Variants in CXCL13 observed in about 807,000 individuals in gnomAD.
CXCL13 encodes the protein C-X-C motif chemokine ligand 13, also known as C-X-C motif chemokine 13.
CXCL13 carries 7 observed loss-of-function variants against 12.2 expected under a neutral mutation model. That is an observed-to-expected ratio of 0.57 (90% CI 0.33 to 1.07). The LOEUF is 1.07. Among genes scored for constraint, CXCL13 ranks in the 50% least tolerant of loss-of-function variants. The pLI, the probability that CXCL13 is intolerant of heterozygous loss-of-function variation, is 0.04. For missense variants in CXCL13, 113 were observed against 127.4 expected (o/e 0.89, Z 0.55); for synonymous variants, 47 against 42.4 (o/e 1.11, Z -0.42).
chr4:77,533,244 C>T (rs2109796105), intron 1 of CXCL13, among the ~76,000 whole-genome samples: 1 of 152,232 alleles, frequency 6.6e-6, no homozygotes, highest in Non-Finnish European at 1.5e-5. Context: ...GTTAGTTTTC[C>T]TTCTAACAGT....
rs548751860 is a variant in CXCL13, at chr4:77,559,948, C to T, written c.-42-45876C>T. ...AAAAAAAAAAAAAAAAAACCTGACG[C>T]TCAATGTGCTTTCCAAATATCTTGG... On this transcript the variant is annotated intron_variant, in intron 1 of 4. Transcript: ENST00000286758. Among the ~76,000 whole-genome samples, 5 of 150,750 alleles carry T rather than the reference C, an allele frequency of 3.3e-5. No individual in the cohort carries two copies. In the South Asian group the frequency reaches 1.0e-3, roughly 31 times the overall value.
At position 77,608,409 on chromosome 4, in the gene CXCL13, C is replaced by G. The variant is rs550574096; in HGVS notation, c.197+574C>G. 2.0e-5 allele frequency among the ~76,000 whole-genome samples: 3 copies of G among 151,302 alleles called. No homozygotes were observed. In the South Asian group the frequency reaches 6.3e-4, roughly 32 times the overall value. Reference sequence around the variant, plus strand: ...GAGCCGAGATCACGCCATTGCACTCCAGCCTGGGCAACAAGAGCGAAACTC... The same window carrying G: ...GAGCCGAGATCACGCCATTGCACTCGAGCCTGGGCAACAAGAGCGAAACTC... On this transcript the variant is annotated intron_variant, in intron 2 of 3. Transcript: ENST00000682537.
chr4:77,523,139 A>G (rs1051924031), intron 1 of CXCL13, among the ~76,000 whole-genome samples: 1 of 152,106 alleles, frequency 6.6e-6, no homozygotes, highest in Admixed American at 6.6e-5. Flanking sequence ...GCTGCCCTTA[A>G]CATTTTTTCC....
intron 1 of CXCL13, chr4:77,511,915 G>A (rs1724282651): frequency 6.6e-6 from 1 of 152,124 alleles, no homozygotes; most frequent in Admixed American, 6.6e-5. Context: ...TTATACTAAG[G>A]AATGTGTATG....
At chr4:77,609,827 T>A (rs1727102170) in intron 2 of CXCL13, among the ~76,000 whole-genome samples, 1 of 152,222 alleles carries the variant, frequency 6.6e-6, no homozygotes, top group Non-Finnish European at 1.5e-5. Flanking sequence ...TGGAGTCAGA[T>A]AATCTTCATT....
chr4:77,525,583 G>T (rs187925054), intron 1 of CXCL13, among the ~76,000 whole-genome samples: 2 of 151,988 alleles, frequency 1.3e-5, no homozygotes, highest in Admixed American at 1.3e-4. Context: ...ATGCGTGAAT[G>T]TTTAGCTGTA....
intron 1 of CXCL13, among the ~76,000 whole-genome samples, chr4:77,531,643 G>A (rs1427361236): frequency 6.6e-6 from 1 of 151,998 alleles, no homozygotes; most frequent in Non-Finnish European, 1.5e-5. Context: ...GGTGACAGTG[G>A]GGTATTAAAG....
At chr4:77,581,742 A>T (rs758069097) in intron 1 of CXCL13, among the ~76,000 whole-genome samples, 1 of 152,108 alleles carries the variant, frequency 6.6e-6, no homozygotes, top group Non-Finnish European at 1.5e-5. Flanking sequence ...CCTCTCCCCC[A>T]TTAGCCTATA....
intron 1 of CXCL13, among the ~76,000 whole-genome samples, chr4:77,549,971 C>T (rs1725468253): frequency 1.3e-5 from 2 of 152,236 alleles, no homozygotes; most frequent in African/African-American, 4.8e-5. Context: ...GGCAGGCAGA[C>T]CTCCTTGAGC....
chr4:77,525,011 G>A (rs902138172), intron 1 of CXCL13, among the ~76,000 whole-genome samples: 2 of 152,206 alleles, frequency 1.3e-5, no homozygotes, highest in Non-Finnish European at 2.9e-5. Flanking sequence ...ACAGTGTTGG[G>A]TGGTGAGGCC....
chr4:77,572,398 C>T (rs1017574543), intron 1 of CXCL13, among the ~76,000 whole-genome samples: 2 of 151,440 alleles, frequency 1.3e-5, no homozygotes, highest in African/African-American at 4.9e-5. Flanking sequence ...GAGACCCTGT[C>T]TCAAAAAGAA....
chr4:77,582,433 TTA>T (rs1301205773), intron 1 of CXCL13, among the ~76,000 whole-genome samples: 2 of 152,214 alleles, frequency 1.3e-5, no homozygotes, highest in Non-Finnish European at 2.9e-5. Context: ...CCTGGGGAAT[TTA>T]TGTTTGTCCA....
intron 1 of CXCL13, among the ~76,000 whole-genome samples, chr4:77,520,309 A>G (rs919449469): frequency 9.2e-5 from 14 of 152,190 alleles, no homozygotes; most frequent in Admixed American, 2.6e-4. Flanking sequence ...CTTGGGCAAT[A>G]TGACCATTTT....
intron 1 of CXCL13, among the ~76,000 whole-genome samples, chr4:77,580,515 C>T (rs2094215727): frequency 6.6e-6 from 1 of 150,650 alleles, no homozygotes; most frequent in African/African-American, 2.4e-5. Context: ...TTAGTAGAGA[C>T]GGGGTTTCAC....
chr4:77,594,670 A>T (rs957240241), intron 1 of CXCL13, among the ~76,000 whole-genome samples: 1 of 151,894 alleles, frequency 6.6e-6, no homozygotes, highest in South Asian at 2.1e-4. Flanking sequence ...TCCACATTCA[A>T]CAACCTCATT....
chr4:77,607,618 C>A, intron 1 of CXCL13, 85 bp from the exon 2 acceptor site: 1 of 1,325,152 alleles, frequency 7.5e-7, no homozygotes, highest in Non-Finnish European at 1.0e-6. Context: ...TCTTCAAATG[C>A]ACGTTATGAA....
At chr4:77,598,103 C>T (rs1466452455) in intron 1 of CXCL13, among the ~76,000 whole-genome samples, 2 of 152,184 alleles carry the variant, frequency 1.3e-5, no homozygotes, top group Non-Finnish European at 2.9e-5. Flanking sequence ...GTGGACACTG[C>T]GGGAGATGAC....
upstream of CXCL13, chr4:77,605,753 G>A: frequency 3.9e-6 from 2 of 517,440 alleles, no homozygotes; most frequent in Non-Finnish European, 6.9e-6. Flanking sequence ...CTGACCTACT[G>A]GAGACAAAGG....
At chr4:77,544,524 G>A (rs2109803013) in intron 1 of CXCL13, among the ~76,000 whole-genome samples, 1 of 152,198 alleles carries the variant, frequency 6.6e-6, no homozygotes, top group South Asian at 2.1e-4. Context: ...TTCTGTGTCT[G>A]TAGGCTGCAT....
Sources: gnomAD v4.1 joint callset for allele counts (sites outside exome capture counted in the v4.1 genomes callset) on GRCh38, gnomAD v4.1.1 for gene constraint, MANE v1.5 for transcripts, NCBI Gene and HGNC (gene_info 2026-07-23, HGNC 2026-07-21) for gene names.